The following C13orf42 variants were observed in gnomAD, a reference collection of about 807,000 sequenced individuals.
The protein encoded by C13orf42 is uncharacterized protein C13orf42.
chr13:51,144,269 G>C lies in C13orf42; in HGVS notation n.136+27984C>G, dbSNP rs564995298. Among the ~76,000 whole-genome samples, 5 of 152,266 alleles carry C rather than the reference G, an allele frequency of 3.3e-5. No individual in the cohort carries two copies. In the East Asian group the frequency reaches 7.7e-4, roughly 23 times the overall value. ...AAGCAGAATAGGAATTAACTGCATG[G>C]ACTTAACCAATCTTTTTTACTTTTT... On this transcript the variant is annotated intron_variant and non_coding_transcript_variant, in intron 1 of 4. Transcript: ENST00000433280.
intron 1 of C13orf42, among the ~76,000 whole-genome samples, chr13:51,163,018 A>G (rs1953878076): frequency 1.3e-5 from 2 of 152,276 alleles, no homozygotes; most frequent in South Asian, 4.1e-4. Context: ...CTACTCCTTC[A>G]CACTTCCTTT....
At chr13:51,161,421 C>T (rs1419044566) in intron 1 of C13orf42, among the ~76,000 whole-genome samples, 1 of 152,070 alleles carries the variant, frequency 6.6e-6, no homozygotes, top group East Asian at 1.9e-4. Context: ...TAGGGCTAGT[C>T]AATTCCCAGA....
At position 51,133,315 on chromosome 13, in the gene C13orf42, G is replaced by C. The variant is rs577828050; in HGVS notation, n.137-20093C>G. 3.0e-4 allele frequency among the ~76,000 whole-genome samples: 46 copies of C among 152,294 alleles called. No individual in the cohort carries two copies. The South Asian group carries it at 9.5e-3, about 32-fold the overall frequency. Reference sequence around the variant, plus strand: ...ATAGAATGTGGTTACCAAGAGCTGGGAGAGGGGAGGACGGGGAGTTGCTAT... The same window carrying C: ...ATAGAATGTGGTTACCAAGAGCTGGCAGAGGGGAGGACGGGGAGTTGCTAT... On this transcript the variant is annotated intron_variant and non_coding_transcript_variant, in intron 1 of 4. Coordinates refer to the C13orf42 transcript ENST00000433280.
At chr13:51,113,098 G>A (rs1306871672), upstream of C13orf42, 1 of 152,184 alleles carries the variant, frequency 6.6e-6, no homozygotes, top group Admixed American at 6.5e-5. Flanking sequence ...TAAAAATGAA[G>A]TCTACCTCCA....
chr13:51,153,621 G>GTTT lies in C13orf42; in HGVS notation n.136+18629_136+18631dup, dbSNP rs1202370498. 6.5e-4 allele frequency among the ~76,000 whole-genome samples: 53 copies of GTTT among 82,014 alleles called. 2 individuals are homozygous for GTTT. Among genetic ancestry groups the GTTT allele is most frequent in the African/African-American group, 1.4e-3 (31 of 22,704 alleles). 53.8% of individuals were successfully genotyped at this position (82,014 alleles called of 152,430 possible). On this transcript the variant is annotated intron_variant and non_coding_transcript_variant, in intron 1 of 4. Coordinates refer to the C13orf42 transcript ENST00000433280. ...TTATCAACCCATTTTCTTGCTTTCT[G>GTTT]TTTTTTTTCTTTTTTTTTTTTTTTT...
At chr13:51,119,137 G>C (rs1330296401) in intron 1 of C13orf42, among the ~76,000 whole-genome samples, 1 of 151,886 alleles carries the variant, frequency 6.6e-6, no homozygotes, top group Non-Finnish European at 1.5e-5. Context: ...ATGCCCAGGT[G>C]TACAGTATGC....
chr13:51,094,363 T>C (rs1383748793), intron 1 of C13orf42, among the ~76,000 whole-genome samples: 1 of 152,198 alleles, frequency 6.6e-6, no homozygotes, highest in Non-Finnish European at 1.5e-5. Flanking sequence ...AAATCTTGAG[T>C]TCATACTGAT....
Position 51,083,950 on chromosome 13 carries a change from G to C in C13orf42, c.*201C>G, listed in dbSNP as rs1475392819. ...CATCAGCCCACGCAGAGAAACTCAAGCTCTGAGAGTGTCCTGAGACCTGTC... is the reference window on the plus strand; with the variant it reads ...CATCAGCCCACGCAGAGAAACTCAACCTCTGAGAGTGTCCTGAGACCTGTC... On this transcript the variant is annotated 3_prime_UTR_variant, in exon 4 of 4. Transcript: ENST00000563710. 2.6e-6 allele frequency: 1 copy of C among 378,452 alleles called. No individual in the cohort carries two copies. The highest frequency in any genetic ancestry group is 4.7e-6 in the Non-Finnish European group (1 of 213,748). 23.4% of individuals were successfully genotyped at this position (378,452 alleles called of 1,614,324 possible).
upstream of C13orf42, among the ~76,000 whole-genome samples, chr13:51,114,207 A>T (rs1278445750): frequency 1.3e-5 from 2 of 152,146 alleles, no homozygotes; most frequent in Admixed American, 6.5e-5. Flanking sequence ...CCAGGATGAG[A>T]ATGAGAGTAT....
At chr13:51,097,621 A>T (rs1953249030) in intron 1 of C13orf42, among the ~76,000 whole-genome samples, 1 of 152,150 alleles carries the variant, frequency 6.6e-6, no homozygotes, top group South Asian at 2.1e-4. Flanking sequence ...AGGAAAATCT[A>T]CTTTACAAAG....
chr13:51,111,712 T>C (rs1258553376), upstream of C13orf42, among the ~76,000 whole-genome samples: 1 of 152,214 alleles, frequency 6.6e-6, no homozygotes, highest in Non-Finnish European at 1.5e-5. Flanking sequence ...AATGAAATTC[T>C]ACTTAGCAGG....
intron 1 of C13orf42, among the ~76,000 whole-genome samples, chr13:51,169,050 C>T (rs561027389): frequency 5.9e-5 from 9 of 152,232 alleles, no homozygotes; most frequent in African/African-American, 2.2e-4. Flanking sequence ...TGTAGCAAAG[C>T]GAGAACAGAC....
intron 1 of C13orf42, among the ~76,000 whole-genome samples, chr13:51,117,970 A>G (rs183846960): frequency 9.2e-5 from 14 of 152,312 alleles, no homozygotes. Flanking sequence ...CAGCCAATAG[A>G]AAAATGGGAA....
intron 1 of C13orf42, among the ~76,000 whole-genome samples, chr13:51,138,362 CCAAAAA>C (rs1212080348): frequency 6.6e-6 from 1 of 151,786 alleles, no homozygotes; most frequent in African/African-American, 2.4e-5. Flanking sequence ...AACTCAATAG[CCAAAAA>C]CAAAAACAAA....
At chr13:51,167,817 G>A (rs1953914039) in intron 1 of C13orf42, among the ~76,000 whole-genome samples, 1 of 152,184 alleles carries the variant, frequency 6.6e-6, no homozygotes, top group Admixed American at 6.5e-5. Context: ...AGGTATGATG[G>A]AAGATAACAT....
intron 1 of C13orf42, among the ~76,000 whole-genome samples, chr13:51,110,518 A>C (rs975386583): frequency 2.0e-4 from 30 of 152,238 alleles, no homozygotes; most frequent in African/African-American, 7.2e-4. Flanking sequence ...TGTACACCAA[A>C]CCCTTGTGAC....
chr13:51,167,991 G>A (rs1454750082), intron 1 of C13orf42, among the ~76,000 whole-genome samples: 2 of 152,184 alleles, frequency 1.3e-5, no homozygotes, highest in Non-Finnish European at 2.9e-5. Flanking sequence ...CCGGCCAGAA[G>A]ATGAAATTCC....
At chr13:51,104,364 A>C (rs1026874063) in intron 1 of C13orf42, among the ~76,000 whole-genome samples, 15 of 152,206 alleles carry the variant, frequency 9.9e-5, no homozygotes, top group African/African-American at 3.6e-4. Flanking sequence ...TTTACTTTTA[A>C]AAAAATTGAT....
chr13:51,167,105 A>T (rs1953908763), intron 1 of C13orf42, among the ~76,000 whole-genome samples: 1 of 151,974 alleles, frequency 6.6e-6, no homozygotes, highest in African/African-American at 2.4e-5. Flanking sequence ...ACCAAAAACC[A>T]ACAAATATGA....
Sources: allele counts gnomAD v4.1 joint callset (sites outside exome capture counted in the v4.1 genomes callset), GRCh38; gene constraint gnomAD v4.1.1; transcripts MANE v1.5; gene names NCBI Gene and HGNC (gene_info 2026-07-23, HGNC 2026-07-21).